The following ARNT2 variants were observed in gnomAD, a reference collection of about 807,000 sequenced individuals.
ARNT2 encodes aryl hydrocarbon receptor nuclear translocator 2, also known as ARNT protein 2.
A neutral mutation model predicts 91.7 loss-of-function variants in ARNT2; 36 were observed. The ratio of observed to expected loss-of-function variants is 0.39; its 90% CI spans 0.30 to 0.52. ARNT2 has a LOEUF of 0.52. Among genes scored for constraint, ARNT2 ranks in the 20% least tolerant of loss-of-function variants. The pLI, the probability that ARNT2 is intolerant of heterozygous loss-of-function variation, is 0.72. For synonymous variants in ARNT2, 365 were observed against 347.1 expected, an observed-to-expected ratio of 1.05 and a Z score of -0.57; for missense variants, 775 against 939.3, an observed-to-expected ratio of 0.83 and a Z score of 2.29.
intron 11 of ARNT2, among the ~76,000 whole-genome samples, chr15:80,560,758 C>T (rs1898324538): frequency 6.6e-6 from 1 of 152,220 alleles, no homozygotes; most frequent in Non-Finnish European, 1.5e-5. Flanking sequence ...ATGGCCTTGA[C>T]CTCCAGCCCC....
At chr15:80,419,838 C>G (rs966807787) in intron 1 of ARNT2, among the ~76,000 whole-genome samples, 1 of 152,188 alleles carries the variant, frequency 6.6e-6, no homozygotes. Flanking sequence ...TTTCCTGTGC[C>G]TGGCAGCAGG....
rs188008982 is a variant in ARNT2, at chr15:80,591,803, G to T, written c.2055+99G>T. 1.3e-6 allele frequency: 2 copies of T among 1,550,352 alleles called. No individual in the cohort carries two copies. The highest frequency in any genetic ancestry group is 1.9e-4 in the Middle Eastern group (1 of 5,268). On this transcript the variant is annotated intron_variant, in intron 18 of 18. Coordinates refer to ENST00000303329, the MANE Select transcript of ARNT2 (RefSeq NM_014862.4). The surrounding 1 kb of genome is among the most constrained non-coding windows in gnomAD (Gnocchi z 5.1). ...CCGCACCACCGCCTGCCCGATAGCC[G>T]TCGTGAGTTCTGGCCCAGCCTGGGC...
chr15:80,500,398 C>T (rs902661852), intron 5 of ARNT2, among the ~76,000 whole-genome samples: 3 of 152,208 alleles, frequency 2.0e-5, no homozygotes, highest in African/African-American at 4.8e-5. Flanking sequence ...TCTTCCTTTG[C>T]CATCTCACTG....
chr15:80,535,570 AT>A (rs1488264003), intron 8 of ARNT2, among the ~76,000 whole-genome samples: 2 of 151,998 alleles, frequency 1.3e-5, no homozygotes, highest in Admixed American at 6.6e-5. Flanking sequence ...CTGTGTGCCC[AT>A]TTTTCTACTG....
intron 1 of ARNT2, among the ~76,000 whole-genome samples, chr15:80,414,146 T>C (rs28672389): frequency 0.21 from 31,685 of 152,190 alleles, 3,428 homozygotes; most frequent in Non-Finnish European, 0.25. Flanking sequence ...GTGAGAAACC[T>C]GGGCACAGAG....
intron 8 of ARNT2, among the ~76,000 whole-genome samples, chr15:80,532,106 A>G (rs1256147812): frequency 6.6e-6 from 1 of 152,170 alleles, no homozygotes; most frequent in Non-Finnish European, 1.5e-5. Flanking sequence ...TTTCTTATCT[A>G]ATGACCACAG....
intron 6 of ARNT2, among the ~76,000 whole-genome samples, chr15:80,513,330 A>T (rs756810274): frequency 2.6e-5 from 4 of 152,150 alleles, no homozygotes; most frequent in African/African-American, 7.2e-5. Flanking sequence ...GAAAGACCGG[A>T]TTCTCTACCT....
intron 17 of ARNT2, among the ~76,000 whole-genome samples, chr15:80,587,926 A>G (rs1325180833): frequency 6.6e-6 from 1 of 152,202 alleles, no homozygotes; most frequent in African/African-American, 2.4e-5. Flanking sequence ...ATCGTGAAGG[A>G]TCTTCATGCC....
intron 3 of ARNT2, among the ~76,000 whole-genome samples, chr15:80,465,311 A>T (rs1194081772): frequency 6.6e-6 from 1 of 152,110 alleles, no homozygotes; most frequent in Non-Finnish European, 1.5e-5. Context: ...TCCAAGCCCG[A>T]TGGCTTTGAG....
chr15:80,531,195 CACCCAGTGTTGTTG>C (rs1176085669), intron 8 of ARNT2, among the ~76,000 whole-genome samples: 1 of 152,190 alleles, frequency 6.6e-6, no homozygotes, highest in Non-Finnish European at 1.5e-5. Flanking sequence ...GGACAGCCTC[CACCCAGTGTTGTTG>C]AAAAACTGTC....
chr15:80,551,127 A>G, intron 8 of ARNT2, 72 bp from the exon 9 acceptor site: 1 of 1,467,686 alleles, frequency 6.8e-7, no homozygotes, highest in Non-Finnish European at 9.5e-7. Context: ...CTTAAATAAA[A>G]TCGTGGACAC....
intron 12 of ARNT2, among the ~76,000 whole-genome samples, chr15:80,569,641 G>A (rs4778608): frequency 0.045 from 6,835 of 152,216 alleles, 500 homozygotes; most frequent in African/African-American, 0.16. Context: ...CCATACCTGC[G>A]ACCTAATTTT....
chr15:80,424,140 C>T (rs541005269), intron 1 of ARNT2, among the ~76,000 whole-genome samples: 7 of 152,242 alleles, frequency 4.6e-5, no homozygotes, highest in Admixed American at 1.3e-4. Flanking sequence ...CAGGGAACAC[C>T]GTGCTATGAC....
intron 12 of ARNT2, among the ~76,000 whole-genome samples, chr15:80,569,554 A>G (rs908475537): frequency 6.6e-6 from 1 of 152,094 alleles, no homozygotes; most frequent in South Asian, 2.1e-4. Flanking sequence ...GGAAGCAGAA[A>G]CCCAAAGGTT....
chr15:80,496,930 T>G (rs1207530113), intron 5 of ARNT2, among the ~76,000 whole-genome samples: 1 of 152,144 alleles, frequency 6.6e-6, no homozygotes, highest in African/African-American at 2.4e-5. Flanking sequence ...TGGTTGTGAT[T>G]CAGGACAGAG....
At chr15:80,436,419 G>T (rs1463263877) in intron 1 of ARNT2, 6 of 154,464 alleles carry the variant, frequency 3.9e-5, no homozygotes, top group Non-Finnish European at 8.8e-5. Flanking sequence ...GCAAGTGAGG[G>T]ATTCTAACTG....
intron 5 of ARNT2, among the ~76,000 whole-genome samples, chr15:80,477,868 G>A (rs968722781): frequency 6.6e-6 from 1 of 152,196 alleles, no homozygotes; most frequent in African/African-American, 2.4e-5. Flanking sequence ...AAAGTGAGAA[G>A]TGTACAGCTG....
intron 5 of ARNT2, among the ~76,000 whole-genome samples, chr15:80,477,633 C>T (rs556607471): frequency 2.7e-5 from 4 of 147,792 alleles, no homozygotes; most frequent in South Asian, 2.2e-4. Flanking sequence ...TCTGTGTGCA[C>T]GAATCTTTTG....
At chr15:80,473,340 G>C (rs560297998) in intron 4 of ARNT2, among the ~76,000 whole-genome samples, 9 of 152,252 alleles carry the variant, frequency 5.9e-5, no homozygotes, top group Admixed American at 3.9e-4. Context: ...GGAAAAAAGA[G>C]GGTCCGTGAT....
Sources: gnomAD v4.1 joint callset for allele counts (sites outside exome capture counted in the v4.1 genomes callset) on GRCh38, gnomAD v4.1.1 for gene constraint, Gnocchi (gnomAD v3.1) non-coding constraint, MANE v1.5 for transcripts, NCBI Gene and HGNC (gene_info 2026-07-23, HGNC 2026-07-21) for gene names.